Variants in CEACAM6 observed in about 807,000 individuals in gnomAD.
The protein encoded by CEACAM6 is cell adhesion molecule CEACAM6.
A neutral mutation model predicts 32.4 loss-of-function variants in CEACAM6; 21 were observed. The observed-to-expected ratio is 0.65, with a 90% CI of 0.46 to 0.93. The LOEUF is 0.93. Among genes scored for constraint, CEACAM6 ranks in the 40% least tolerant of loss-of-function variants. The pLI is 0.00. For missense variants in CEACAM6, 406 were observed against 432.2 expected (o/e 0.94, Z 0.54); for synonymous variants, 184 against 174.4 (o/e 1.06, Z -0.43).
chr19:41,766,405 C>T lies in CEACAM6; in HGVS notation c.*40+106C>T, dbSNP rs1236409850. ...TATCTGGGACTGGATCTCCTTCTACCGCTAAACTCCTGCTTCTCAGCACTA... is the reference window on the plus strand; with the variant it reads ...TATCTGGGACTGGATCTCCTTCTACTGCTAAACTCCTGCTTCTCAGCACTA... On this transcript the variant is annotated intron_variant, in intron 5 of 5. Coordinates refer to ENST00000199764, the MANE Select transcript of CEACAM6 (RefSeq NM_002483.7). 2.1e-5 allele frequency: 11 copies of T among 522,484 alleles called. No homozygotes were observed. In the Admixed American group the frequency reaches 3.6e-4, roughly 17 times the overall value. 32.4% of individuals were successfully genotyped at this position (522,484 alleles called of 1,614,324 possible).
rs1396680802 is a variant in CEACAM6, at chr19:41,771,492, T to A, written c.*731T>A. 5.3e-5 allele frequency: 8 copies of A among 152,220 alleles called. No homozygotes were observed. Among genetic ancestry groups the A allele is most frequent in the Non-Finnish European group, 1.2e-4 (8 of 68,036 alleles). 9.4% of individuals were successfully genotyped at this position (152,220 alleles called of 1,614,324 possible). On this transcript the variant is annotated 3_prime_UTR_variant, in exon 6 of 6. Coordinates refer to ENST00000199764, the MANE Select transcript of CEACAM6 (RefSeq NM_002483.7). Reference sequence around the variant, plus strand: ...AATGGGTATCGCTGAGACTAAGTTGTAGAAATTAACAAATGTGCTGCTTGG... The same window carrying A: ...AATGGGTATCGCTGAGACTAAGTTGAAGAAATTAACAAATGTGCTGCTTGG...
chr19:41,765,795 C>CA (rs1417508815), intron 4 of CEACAM6, among the ~76,000 whole-genome samples: 1 of 152,204 alleles, frequency 6.6e-6, no homozygotes, highest in African/African-American at 2.4e-5. Context: ...ATTCAGAATG[C>CA]ACTAGCCTGG....
intron 3 of CEACAM6, 94 bp from the exon 4 acceptor site, chr19:41,761,875 C>T: frequency 1.4e-6 from 2 of 1,476,840 alleles, no homozygotes; most frequent in Non-Finnish European, 9.3e-7. Context: ...AGGGTTGTGA[C>T]ATGGCTCAGG....
intron 4 of CEACAM6, among the ~76,000 whole-genome samples, chr19:41,765,763 C>A (rs1453962403): frequency 5.3e-5 from 8 of 152,186 alleles, no homozygotes; most frequent in African/African-American, 1.9e-4. Context: ...GAAGTGAGTT[C>A]TCTGTGCAAA....
At chr19:41,766,063 C>A in intron 4 of CEACAM6, 120 bp from the exon 5 acceptor site, 1 of 583,748 alleles carries the variant, frequency 1.7e-6, no homozygotes, top group Non-Finnish European at 2.8e-6. Context: ...GCAACTTTCC[C>A]ACAAAACTAG....
Position 41,762,217 on chromosome 19 carries a change from G to A in CEACAM6, c.952G>A (p.Val318Ile), listed in dbSNP as rs2072930518. ...LNRTTVTMIT[V>I]SGSAPVLSAV... ...TAGGACCACAGTCACGATGATCACA[G>A]TCTCTGGTAAGTGGATCCATGAAGC... The change falls in exon 4 of 6, where the codon GTC becomes ATC. Residue 318 changes from valine to isoleucine, a missense_variant. By Grantham distance (29) the Val-to-Ile change is conservative. Coordinates refer to ENST00000199764, the MANE Select transcript of CEACAM6 (RefSeq NM_002483.7). 2 of 1,613,626 alleles carry A rather than the reference G, an allele frequency of 1.2e-6. No homozygotes were observed. The highest frequency in any genetic ancestry group is 3.3e-5 in the Admixed American group (2 of 59,992).
chr19:41,762,282 A>C, intron 4 of CEACAM6, 59 bp downstream of exon 4: 1 of 1,560,802 alleles, frequency 6.4e-7, no homozygotes, highest in Non-Finnish European at 8.7e-7. Flanking sequence ...GCTCTCAGAG[A>C]AGAGCCAGGA....
intron 4 of CEACAM6, among the ~76,000 whole-genome samples, chr19:41,762,924 C>T (rs2072935561): frequency 2.0e-5 from 3 of 152,150 alleles, no homozygotes; most frequent in Admixed American, 2.0e-4. Flanking sequence ...TGTGTCCTGG[C>T]TCTGAAGTCA....
At position 41,756,536 on chromosome 19, in the gene CEACAM6, G is replaced by C. The variant is rs2072886534; in HGVS notation, c.65-64G>C. On this transcript the variant is annotated intron_variant, in intron 1 of 5. Coordinates refer to ENST00000199764, the MANE Select transcript of CEACAM6 (RefSeq NM_002483.7). ...TGAAGAGACCTGCTCAGGACCCAGG[G>C]CCCTGTTTTTCCACCCTAATGCATA... 6 of 1,562,434 alleles carry C rather than the reference G, an allele frequency of 3.8e-6. No homozygotes were observed. The South Asian group carries it at 7.4e-5, about 19-fold the overall frequency.
At chr19:41,765,341 C>T (rs1366504578) in intron 4 of CEACAM6, among the ~76,000 whole-genome samples, 4 of 152,188 alleles carry the variant, frequency 2.6e-5, no homozygotes, top group African/African-American at 9.7e-5. Context: ...CATTAACCAT[C>T]GCACTGAGAT....
At chr19:41,757,311 C>A (rs1184210722) in intron 2 of CEACAM6, among the ~76,000 whole-genome samples, 3 of 151,952 alleles carry the variant, frequency 2.0e-5, no homozygotes, top group African/African-American at 4.8e-5. Context: ...CCCTAGGGAC[C>A]CCTCAGAGAG....
Position 41,767,056 on chromosome 19 carries a change from G to C in CEACAM6, c.*40+757G>C, listed in dbSNP as rs547446265. On this transcript the variant is annotated intron_variant, in intron 5 of 5. Transcript: ENST00000199764. ...CAAAGGAACCTGCTCTGGCCTACTAGTTAAGTTCAAATTTCTTCTCTTTAC... is the reference window on the plus strand; with the variant it reads ...CAAAGGAACCTGCTCTGGCCTACTACTTAAGTTCAAATTTCTTCTCTTTAC... 4.0e-5 allele frequency among the ~76,000 whole-genome samples: 6 copies of C among 149,454 alleles called. No individual in the cohort carries two copies. The South Asian group carries it at 1.3e-3, about 32-fold the overall frequency.
At chr19:41,768,502 T>G (rs1468903122) in intron 5 of CEACAM6, among the ~76,000 whole-genome samples, 1 of 152,166 alleles carries the variant, frequency 6.6e-6, no homozygotes, top group Non-Finnish European at 1.5e-5. Context: ...TCTACTTCTT[T>G]CTACACAGAC....
At chr19:41,764,063 G>A (rs1157069410) in intron 4 of CEACAM6, among the ~76,000 whole-genome samples, 1 of 152,122 alleles carries the variant, frequency 6.6e-6, no homozygotes, top group Non-Finnish European at 1.5e-5. Flanking sequence ...TTATGTTGAG[G>A]TGGTTTCCTT....
At chr19:41,767,657 C>T (rs1332736981) in intron 5 of CEACAM6, among the ~76,000 whole-genome samples, 3 of 152,118 alleles carry the variant, frequency 2.0e-5, no homozygotes, top group Admixed American at 6.5e-5. Context: ...CCTCTCCAGA[C>T]GCTACTAATG....
intron 2 of CEACAM6, among the ~76,000 whole-genome samples, chr19:41,757,248 T>G (rs1445271947): frequency 6.6e-6 from 1 of 152,084 alleles, no homozygotes; most frequent in Non-Finnish European, 1.5e-5. Context: ...CCCATGGACC[T>G]GACCCTGAGA....
intron 5 of CEACAM6, among the ~76,000 whole-genome samples, chr19:41,769,007 G>A (rs2072975245): frequency 6.6e-6 from 1 of 152,088 alleles, no homozygotes; most frequent in African/African-American, 2.4e-5. Flanking sequence ...GTGCAATGGC[G>A]TGATTTCGGC....
chr19:41,766,575 C>T (rs1292731490), intron 5 of CEACAM6, among the ~76,000 whole-genome samples: 2 of 152,190 alleles, frequency 1.3e-5, no homozygotes. Flanking sequence ...ACATCTCTCA[C>T]TTTTGTCAGT....
Position 41,762,191 on chromosome 19 carries a change from A to G in CEACAM6, c.926A>G (p.Asn309Ser), listed in dbSNP as rs947812158. 6.2e-6 allele frequency: 10 copies of G among 1,614,038 alleles called. No individual in the cohort carries two copies. The highest frequency in any genetic ancestry group is 7.6e-6 in the Non-Finnish European group (9 of 1,180,036). ...GCCCATAACTCAGCCACTGGCCTCA[A>G]TAGGACCACAGTCACGATGATCACA... ...CQAHNSATGLNRTTVTMITVS... is the reference protein window; with the variant it reads ...CQAHNSATGLSRTTVTMITVS... Residue 309 changes from asparagine to serine, a missense_variant, in exon 4 of 6, where the codon AAT (asparagine) becomes AGT (serine). Physicochemically the swap from Asn to Ser is conservative, Grantham distance 46. Transcript: ENST00000199764.
Sources: gnomAD v4.1 joint callset for allele counts (sites outside exome capture counted in the v4.1 genomes callset) on GRCh38, gnomAD v4.1.1 for gene constraint, MANE v1.5 for transcripts, NCBI Gene and HGNC (gene_info 2026-07-23, HGNC 2026-07-21) for gene names.